PIKFYVE: variants seen among roughly 807,000 people sequenced by gnomAD.
PIKFYVE encodes the protein phosphoinositide kinase, FYVE-type zinc finger containing.
A neutral mutation model predicts 257.9 loss-of-function variants in PIKFYVE; 122 were observed. The ratio of observed to expected loss-of-function variants is 0.47; its 90% CI spans 0.41 to 0.55. The LOEUF (loss-of-function observed/expected upper bound fraction) is 0.55. Ranked by LOEUF, PIKFYVE falls within the 20% of genes least tolerant of loss-of-function variation. The pLI is 0.00. For synonymous variants in PIKFYVE, 892 were observed against 868.9 expected, an observed-to-expected ratio of 1.03 and a Z score of -0.47; for missense variants, 2,160 against 2,536.6, an observed-to-expected ratio of 0.85 and a Z score of 3.19.
At position 208,276,932 on chromosome 2, in the gene PIKFYVE, G is replaced by T; in HGVS notation, c.441+102G>T. 10 of 907,890 alleles carry T rather than the reference G, an allele frequency of 1.1e-5. No individual in the cohort carries two copies. In the South Asian group the frequency reaches 1.5e-4, roughly 14 times the overall value. The allele number at this position is 907,890 out of a possible 1,614,324, so 56.2% of individuals were successfully genotyped here. ...ATGCCACTGAAAGAAAGCTTAATTA[G>T]CGCTTCCTCCAGCTGTGAGCACCCT... On this transcript the variant is annotated intron_variant, in intron 4 of 41. Transcript: ENST00000264380.
chr2:208,278,521 G>T (rs1690397044), intron 5 of PIKFYVE, among the ~76,000 whole-genome samples: 1 of 151,968 alleles, frequency 6.6e-6, no homozygotes, highest in South Asian at 2.1e-4. Context: ...AGTGAGTATG[G>T]TATCCAGTAG....
chr2:208,330,034 CATATCAGAGT>C, intron 22 of PIKFYVE, 121 bp downstream of exon 22: 1 of 1,325,978 alleles, frequency 7.5e-7, no homozygotes, highest in South Asian at 1.3e-5. Flanking sequence ...TTTCATAGTG[CATATCAGAGT>C]ATATCATTCA....
intron 31 of PIKFYVE, 23 bp from the exon 32 acceptor site, chr2:208,342,531 A>C: frequency 3.8e-6 from 6 of 1,560,676 alleles, no homozygotes; most frequent in Non-Finnish European, 3.5e-6. Context: ...TAGTTAACTT[A>C]TGTATTTTAA....
chr2:208,330,268 G>A (rs1031906209), intron 22 of PIKFYVE, among the ~76,000 whole-genome samples: 2 of 152,136 alleles, frequency 1.3e-5, no homozygotes, highest in African/African-American at 2.4e-5. Context: ...CACTTTACTA[G>A]TCCCCTTTAT....
Position 208,350,954 on chromosome 2 carries a change from C to A in PIKFYVE, c.5611+7C>A. 2.5e-6 allele frequency: 4 copies of A among 1,614,092 alleles called. No homozygotes were observed. Among genetic ancestry groups the A allele is most frequent in the Non-Finnish European group, 3.4e-6 (4 of 1,180,000 alleles). ...GCCTTCTATGCAACTGAGGGTGAGC[C>A]TTTCTCATCGTTTATTGATTGGTTC... On this transcript the variant is annotated splice_region_variant and intron_variant, in intron 37 of 41. Transcript: ENST00000264380.
At chr2:208,345,035 CT>C (rs1338130057) in intron 32 of PIKFYVE, 75 bp from the exon 33 acceptor site, 6 of 1,070,984 alleles carry the variant, frequency 5.6e-6, no homozygotes, top group Non-Finnish European at 7.1e-6. Context: ...TAATGCAAAA[CT>C]TACTCTAAAG....
chr2:208,270,896 G>A (rs532312264), intron 1 of PIKFYVE, among the ~76,000 whole-genome samples: 17 of 151,972 alleles, frequency 1.1e-4, no homozygotes, highest in African/African-American at 3.4e-4. Context: ...TTAACTGGGC[G>A]TGGTGACTGC....
intron 12 of PIKFYVE, among the ~76,000 whole-genome samples, chr2:208,307,782 A>C (rs1185620246): frequency 6.6e-6 from 1 of 152,222 alleles, no homozygotes; most frequent in African/African-American, 2.4e-5. Flanking sequence ...TCAGAAGACT[A>C]TAATAGATAC....
At chr2:208,329,749 A>T in intron 21 of PIKFYVE, 93 bp from the exon 22 acceptor site, 5 of 1,548,900 alleles carry the variant, frequency 3.2e-6, no homozygotes, top group Non-Finnish European at 4.4e-6. Flanking sequence ...TGTAAGTACC[A>T]TACATTTAAT....
At chr2:208,298,867 C>T (rs1324515476) in intron 8 of PIKFYVE, 88 bp downstream of exon 8, 17 of 1,530,038 alleles carry the variant, frequency 1.1e-5, no homozygotes, top group Middle Eastern at 1.7e-4. Flanking sequence ...TTTTGAGACA[C>T]GGTCTTGGTG....
intron 2 of PIKFYVE, among the ~76,000 whole-genome samples, chr2:208,272,061 C>T (rs970217467): frequency 4.8e-4 from 73 of 151,996 alleles, no homozygotes; most frequent in African/African-American, 1.4e-3. Flanking sequence ...GGTGAAATCC[C>T]GTCTCTACTA....
intron 7 of PIKFYVE, among the ~76,000 whole-genome samples, chr2:208,290,968 C>T (rs1031349774): frequency 5.3e-5 from 8 of 152,172 alleles, no homozygotes; most frequent in Admixed American, 4.6e-4. Flanking sequence ...TTTCTTCCTT[C>T]CCAATCAGTG....
intron 28 of PIKFYVE, 28 bp downstream of exon 28, chr2:208,336,956 CT>C (rs765154495): frequency 2.7e-6 from 4 of 1,509,400 alleles, no homozygotes; most frequent in Non-Finnish European, 2.8e-6. Context: ...GTCTTTGGTC[CT>C]TAATCAATAG....
At chr2:208,285,307 G>A (rs796187799) in intron 5 of PIKFYVE, among the ~76,000 whole-genome samples, 1 of 152,092 alleles carries the variant, frequency 6.6e-6, no homozygotes, top group South Asian at 2.1e-4. Context: ...TGTTGGCCAG[G>A]CTAGTCTTGA....
chr2:208,328,341 A>C (rs1313308935), intron 21 of PIKFYVE, 61 bp downstream of exon 21: 13 of 1,603,142 alleles, frequency 8.1e-6, no homozygotes, highest in Non-Finnish European at 1.1e-5. Flanking sequence ...AATTAAAAAA[A>C]AACAAAAACA....
chr2:208,334,759 A>G (rs977330198), intron 24 of PIKFYVE, among the ~76,000 whole-genome samples: 2 of 152,214 alleles, frequency 1.3e-5, no homozygotes, highest in African/African-American at 2.4e-5. Context: ...TGTTAGTGTT[A>G]TATCCTCAGC....
At chr2:208,314,254 G>A (rs868350298) in intron 13 of PIKFYVE, 40 bp from the exon 14 acceptor site, 1 of 1,593,616 alleles carries the variant, frequency 6.3e-7, no homozygotes, top group Non-Finnish European at 8.6e-7. Flanking sequence ...TATAAAACAG[G>A]ACAATGAAGT....
chr2:208,316,091 G>A (rs1364894643), intron 15 of PIKFYVE, among the ~76,000 whole-genome samples: 2 of 132,418 alleles, frequency 1.5e-5, no homozygotes, highest in Admixed American at 9.1e-5. Flanking sequence ...TGTTCTCATT[G>A]TTCAATTCCC....
At chr2:208,333,276 CAA>C (rs760254917) in intron 23 of PIKFYVE, 37 bp from the exon 24 acceptor site, 71 of 1,583,474 alleles carry the variant, frequency 4.5e-5, no homozygotes, top group Non-Finnish European at 5.5e-5. Flanking sequence ...AAGAGATTCT[CAA>C]TATGTGATTA....
Sources: gnomAD v4.1 joint callset for allele counts (sites outside exome capture counted in the v4.1 genomes callset) on GRCh38, gnomAD v4.1.1 for gene constraint, MANE v1.5 for transcripts, NCBI Gene and HGNC (gene_info 2026-07-23, HGNC 2026-07-21) for gene names.